Variants in LIMK2 observed in about 807,000 individuals in gnomAD.
LIMK2 encodes the protein LIM domain kinase 2.
Under a neutral mutation model 75.7 loss-of-function variants are expected in LIMK2, and 35 were observed. The ratio of observed to expected loss-of-function variants is 0.46; its 90% CI spans 0.35 to 0.61. The LOEUF is 0.61. LIMK2 is among the 20% of genes least tolerant of loss of function. LIMK2 has a pLI of 0.00. For synonymous variants in LIMK2, 301 were observed against 319.2 expected (o/e 0.94, Z 0.61); for missense variants, 623 against 831.0 (o/e 0.75, Z 3.08).
intron 1 of LIMK2, 47 bp downstream of exon 1, chr22:31,212,471 C>T: frequency 7.6e-7 from 1 of 1,314,546 alleles, no homozygotes; most frequent in Non-Finnish European, 9.8e-7. Context: ...CTCCGAAGTC[C>T]GGTTCCATGG....
Position 31,278,391 on chromosome 22 carries a change from G to T in LIMK2, c.1867G>T (p.Asp623Tyr). The change falls in exon 16 of 16, where the codon GAC becomes TAC. Residue 623 changes from aspartate (D) to tyrosine (Y), a missense_variant. Coordinates refer to ENST00000331728, the MANE Select transcript of LIMK2 (RefSeq NM_005569.4). Reference sequence around the variant, plus strand: ...GCTGCCTGCAGAGCTGGAGGAGTTGGACCACACTGTGAGCATGCAGTACGG... The same window carrying T: ...GCTGCCTGCAGAGCTGGAGGAGTTGTACCACACTGTGAGCATGCAGTACGG... ...IPLPAELEELDHTVSMQYGLT... is the reference protein window; with the variant it reads ...IPLPAELEELYHTVSMQYGLT... 6.2e-7 allele frequency: 1 copy of T among 1,613,934 alleles called. No homozygotes were observed. Among genetic ancestry groups the T allele is most frequent in the Non-Finnish European group, 8.5e-7 (1 of 1,179,952 alleles).
chr22:31,245,949 G>C (rs946995550), intron 2 of LIMK2, among the ~76,000 whole-genome samples: 4 of 151,968 alleles, frequency 2.6e-5, no homozygotes, highest in Non-Finnish European at 5.9e-5. Context: ...GAGGCAAGTG[G>C]ATCACCTGAG....
intron 1 of LIMK2, among the ~76,000 whole-genome samples, chr22:31,215,808 TA>T (rs1166327455): frequency 6.6e-6 from 1 of 151,842 alleles, no homozygotes; most frequent in African/African-American, 2.4e-5. Flanking sequence ...CCCCATCTCT[TA>T]AAAAAAAGAA....
rs1396827360 is a variant in LIMK2, at chr22:31,278,849, A to T, written c.*408A>T. The stretch of plus-strand genomic sequence containing the variant: ...GAACCTGCCTGTGAACTCTGAAGTC[A>T]CTAGTCCAGCTGGGTGCAGGAGGAC... On this transcript the variant is annotated 3_prime_UTR_variant, in exon 16 of 16. Coordinates refer to ENST00000331728, the MANE Select transcript of LIMK2 (RefSeq NM_005569.4). The T allele has an allele frequency of 6.4e-6, 1 of 157,462 alleles. No homozygotes were observed. The highest frequency in any genetic ancestry group is 1.4e-5 in the Non-Finnish European group (1 of 71,526). The allele number at this position is 157,462 out of a possible 1,614,324, so 9.8% of individuals were successfully genotyped here. A position where few individuals can be genotyped will look rare whatever the true frequency, so the allele number is the denominator to read the frequency against.
rs765284381 is a variant in LIMK2, at chr22:31,276,796, C to CG, written c.1772+1488_1772+1489insG. ...CCACGCATCTACTTTCAGAGCCCCC[C>CG]CCGGGGCCGCAGGAGAGGGCCCGGG... On this transcript the variant is annotated intron_variant, in intron 15 of 15. Coordinates refer to ENST00000331728, the MANE Select transcript of LIMK2 (RefSeq NM_005569.4). The CG allele has an allele frequency of 2.8e-4, 444 of 1,609,232 alleles. 11 individuals carry two copies. In the South Asian group the frequency reaches 4.4e-3, roughly 16 times the overall value.
At chr22:31,250,546 G>T (rs981438313) in intron 2 of LIMK2, among the ~76,000 whole-genome samples, 1 of 151,188 alleles carries the variant, frequency 6.6e-6, no homozygotes, top group Non-Finnish European at 1.5e-5. Flanking sequence ...GCTAGAGTCT[G>T]GGGGGTACTG....
chr22:31,271,081 T>G (rs1432075902), intron 11 of LIMK2, 55 bp from the exon 12 acceptor site: 8 of 1,514,584 alleles, frequency 5.3e-6, no homozygotes, highest in African/African-American at 1.4e-5. Flanking sequence ...AATTCCAGAT[T>G]CAGGGTCTAG....
At chr22:31,274,505 A>G (rs1047660531) in intron 14 of LIMK2, among the ~76,000 whole-genome samples, 114 of 152,066 alleles carry the variant, frequency 7.5e-4, no homozygotes, top group African/African-American at 2.8e-3. Context: ...GGTTCAAGCA[A>G]TCCTCCTGCC....
chr22:31,240,900 A>G (rs1234072805), intron 2 of LIMK2, among the ~76,000 whole-genome samples: 1 of 152,206 alleles, frequency 6.6e-6, no homozygotes, highest in Non-Finnish European at 1.5e-5. Flanking sequence ...AGCTACGTTC[A>G]GGATAAGAAG....
intron 12 of LIMK2, 39 bp from the exon 13 acceptor site, chr22:31,272,491 C>A: frequency 6.4e-7 from 1 of 1,562,720 alleles, no homozygotes; most frequent in Non-Finnish European, 8.7e-7. Context: ...GGTTTGAGAA[C>A]ATCCCCATGA....
At chr22:31,260,632 G>A (rs2048829089) in intron 5 of LIMK2, among the ~76,000 whole-genome samples, 1 of 152,194 alleles carries the variant, frequency 6.6e-6, no homozygotes, top group South Asian at 2.1e-4. Context: ...ACCTCTGGCC[G>A]CTTACCATGT....
intron 2 of LIMK2, among the ~76,000 whole-genome samples, chr22:31,239,343 G>A (rs2048605407): frequency 1.3e-5 from 2 of 152,254 alleles, no homozygotes; most frequent in East Asian, 3.8e-4. Context: ...GGTCTTTAGT[G>A]CTCTGCCCCT....
At chr22:31,263,927 C>G (rs896009285) in intron 7 of LIMK2, among the ~76,000 whole-genome samples, 2 of 152,146 alleles carry the variant, frequency 1.3e-5, no homozygotes, top group Non-Finnish European at 2.9e-5. Context: ...GAGTTCAAGA[C>G]TGCAGTGAGC....
chr22:31,257,968 T>C (rs1009173621), intron 2 of LIMK2, among the ~76,000 whole-genome samples: 1 of 152,176 alleles, frequency 6.6e-6, no homozygotes, highest in Non-Finnish European at 1.5e-5. Flanking sequence ...ACCTAAATTA[T>C]ATACACATCT....
At chr22:31,276,882 C>T (rs745979430) in intron 15 of LIMK2, 2 of 1,612,514 alleles carry the variant, frequency 1.2e-6, no homozygotes, top group African/African-American at 2.7e-5. Context: ...AGTATGACCC[C>T]AAGGAGCTAC....
chr22:31,248,202 A>G (rs1422946319), intron 2 of LIMK2, among the ~76,000 whole-genome samples: 2 of 152,182 alleles, frequency 1.3e-5, no homozygotes, highest in African/African-American at 4.8e-5. Flanking sequence ...TATTGTCTGC[A>G]GCGCCTGCCT....
chr22:31,278,589 G>A lies in LIMK2; in HGVS notation c.*148G>A. ...CAAGCCATTCCTATTACCTCCCCAGGAGGCAAGTGGGCGCAGCACCAGGGA... is the reference window on the plus strand; with the variant it reads ...CAAGCCATTCCTATTACCTCCCCAGAAGGCAAGTGGGCGCAGCACCAGGGA... On this transcript the variant is annotated 3_prime_UTR_variant, in exon 16 of 16. Transcript: ENST00000331728. 1 of 748,786 alleles carries A rather than the reference G, an allele frequency of 1.3e-6. No individual in the cohort carries two copies. 46.4% of individuals were successfully genotyped at this position (748,786 alleles called of 1,614,324 possible).
Position 31,278,285 on chromosome 22 carries a change from T to C in LIMK2, c.1773-12T>C, listed in dbSNP as rs1569006904. 2 of 1,607,052 alleles carry C rather than the reference T, an allele frequency of 1.2e-6. No individual in the cohort carries two copies. The highest frequency in any genetic ancestry group is 3.4e-5 in the Admixed American group (2 of 59,556). On this transcript the variant is annotated splice_polypyrimidine_tract_variant and intron_variant, in intron 15 of 15. Coordinates refer to ENST00000331728, the MANE Select transcript of LIMK2 (RefSeq NM_005569.4). The stretch of plus-strand genomic sequence containing the variant: ...GTTCCACCTGCCTCTAATTTACCTC[T>C]TTTCCTTCTAGACCAGCATTCTCGA...
chr22:31,277,211 ATAC>A (rs952477686), intron 15 of LIMK2: 2 of 1,604,190 alleles, frequency 1.2e-6, no homozygotes, highest in African/African-American at 2.7e-5. Flanking sequence ...AGCAACAGCA[ATAC>A]CGGGGGACCC....
Sources: gnomAD v4.1 joint callset for allele counts (sites outside exome capture counted in the v4.1 genomes callset) on GRCh38, gnomAD v4.1.1 for gene constraint, MANE v1.5 for transcripts, NCBI Gene and HGNC (gene_info 2026-07-23, HGNC 2026-07-21) for gene names.